ATP7A: variants seen among roughly 807,000 people sequenced by gnomAD.
ATP7A encodes ATPase copper transporting alpha, also known as copper-transporting ATPase 1.
In ATP7A, 7 loss-of-function variants were observed where a neutral mutation model predicts 83.5. That is an observed-to-expected ratio of 0.08 (90% CI 0.05 to 0.16). ATP7A has a LOEUF of 0.16. Ranked by LOEUF, ATP7A falls within the 10% of genes least tolerant of loss-of-function variation. The pLI, the probability that ATP7A is intolerant of heterozygous loss-of-function variation, is 1.00. For missense variants in ATP7A, 940 were observed against 1,120.8 expected, an observed-to-expected ratio of 0.84 and a Z score of 2.30; for synonymous variants, 354 against 395.2, an observed-to-expected ratio of 0.90 and a Z score of 1.24.
chrX:77,968,936 C>T (rs782197930), intron 1 of ATP7A: 12 of 1,210,540 alleles, frequency 9.9e-6, no homozygotes, highest in Non-Finnish European at 1.2e-5. Context: ...GTCTCTTCAT[C>T]CCCCAGAAAC....
At chrX:78,026,021 A>G (rs1176360231) in intron 14 of ATP7A, among the ~76,000 whole-genome samples, 5 of 112,048 alleles carry the variant, frequency 4.5e-5, no homozygotes, top group African/African-American at 1.6e-4. Context: ...CTATAAAGCA[A>G]TTACACAATT....
At position 77,969,190 on chromosome X, in the gene ATP7A, A is replaced by C; in HGVS notation, c.-21-2431A>C. ...ATCCTTCGGACTCTCATAGGAGGGTAGCTGATCTTCTGTGAGGTCTGCATA... is the reference window on the plus strand; with the variant it reads ...ATCCTTCGGACTCTCATAGGAGGGTCGCTGATCTTCTGTGAGGTCTGCATA... On this transcript the variant is annotated intron_variant, in intron 1 of 22. Transcript: ENST00000341514. 1.7e-5 allele frequency: 20 copies of C among 1,211,806 alleles called. No individual in the cohort carries two copies. The highest frequency in any genetic ancestry group is 2.2e-5 in the Non-Finnish European group (20 of 895,471).
At chrX:77,930,380 C>T (rs1366909823) in intron 1 of ATP7A, among the ~76,000 whole-genome samples, 2 of 111,679 alleles carry the variant, frequency 1.8e-5, no homozygotes, top group African/African-American at 3.3e-5. Flanking sequence ...CTGCATACTG[C>T]GTGGTCAGCC....
At chrX:78,040,822 T>TG in intron 19 of ATP7A, 89 bp downstream of exon 19, 1 of 1,050,105 alleles carries the variant, frequency 9.5e-7, no homozygotes, top group Non-Finnish European at 1.3e-6. Flanking sequence ...CATTACCTAC[T>TG]ATTTTCATTA....
chrX:77,971,473 A>G (rs1238512513), intron 1 of ATP7A, 148 bp from the exon 2 acceptor site: 3 of 586,216 alleles, frequency 5.1e-6, no homozygotes, highest in South Asian at 2.9e-5. Context: ...AATGCTTACC[A>G]TATTTTATTA....
intron 6 of ATP7A, among the ~76,000 whole-genome samples, chrX:78,007,604 C>T (rs2077785887): frequency 8.9e-6 from 1 of 112,361 alleles, no homozygotes; most frequent in African/African-American, 3.2e-5. Flanking sequence ...GGATTACAGG[C>T]GTGAGCCACC....
chrX:77,997,331 A>T (rs1473980593), intron 4 of ATP7A, among the ~76,000 whole-genome samples: 1 of 112,185 alleles, frequency 8.9e-6, no homozygotes, highest in Non-Finnish European at 1.9e-5. Context: ...CCCCCAGGTG[A>T]TTGTGTATGC....
At chrX:77,973,212 A>T (rs1419271008) in intron 2 of ATP7A, among the ~76,000 whole-genome samples, 1 of 112,022 alleles carries the variant, frequency 8.9e-6, no homozygotes, top group African/African-American at 3.2e-5. Context: ...GTCTGTAAGT[A>T]AAGTTTTAGT....
rs551526005 is a variant in ATP7A, at chrX:77,957,100, T to C, written c.-21-14521T>C. ...GTGTGAGCCACTGTGCCTGGCCAGG[T>C]ATTTCTTTATAGCAATATAAGAGCA... On this transcript the variant is annotated intron_variant, in intron 1 of 22. Transcript: ENST00000341514. Among the ~76,000 whole-genome samples the C allele has an allele frequency of 5.1e-4, 57 of 111,551 alleles. 1 individual carries two copies. In the South Asian group the frequency reaches 0.021, roughly 42 times the overall value.
intron 2 of ATP7A, among the ~76,000 whole-genome samples, chrX:77,974,396 G>A (rs1557230017): frequency 1.8e-5 from 2 of 110,997 alleles, no homozygotes; most frequent in Admixed American, 1.9e-4. Context: ...CGTCCACCTC[G>A]GCCTCTTAAA....
chrX:77,922,502 C>CA (rs1271064469), intron 1 of ATP7A, among the ~76,000 whole-genome samples: 3 of 110,724 alleles, frequency 2.7e-5, no homozygotes, highest in Non-Finnish European at 3.8e-5. Flanking sequence ...GATCCTGTCT[C>CA]AAAAAAATGT....
intron 21 of ATP7A, among the ~76,000 whole-genome samples, chrX:78,044,650 T>A (rs2078073109): frequency 8.9e-6 from 1 of 112,020 alleles, no homozygotes; most frequent in African/African-American, 3.2e-5. Flanking sequence ...GTATTTTTTT[T>A]AGGTTGAGAG....
intron 4 of ATP7A, among the ~76,000 whole-genome samples, chrX:77,995,587 AAG>A (rs2077698574): frequency 9.3e-6 from 1 of 107,569 alleles, no homozygotes; most frequent in African/African-American, 3.4e-5. Context: ...AAAAAAAAAA[AAG>A]AGGTAGTGAG....
Position 78,033,841 on chromosome X carries a change from A to G in ATP7A, c.3511+20A>G, listed in dbSNP as rs1048804051. ...TCTCAAGTAAGCTAATTTTCTTTGTAGTACCAATTATGGGGCAGTTATGAA... is the reference window on the plus strand; with the variant it reads ...TCTCAAGTAAGCTAATTTTCTTTGTGGTACCAATTATGGGGCAGTTATGAA... On this transcript the variant is annotated intron_variant, in intron 17 of 22. Transcript: ENST00000341514. The G allele has an allele frequency of 8.5e-7, 1 of 1,179,577 alleles. No individual in the cohort carries two copies.
intron 1 of ATP7A, among the ~76,000 whole-genome samples, chrX:77,941,201 G>A (rs371067479): frequency 7.7e-4 from 85 of 110,883 alleles, no homozygotes; most frequent in African/African-American, 1.6e-3. Flanking sequence ...GTATATACAA[G>A]GATATTCATT....
chrX:77,964,160 A>G (rs2077490768), intron 1 of ATP7A: 1 of 112,016 alleles, frequency 8.9e-6, no homozygotes, highest in African/African-American at 3.2e-5. Context: ...TTTTTATATT[A>G]TTTGACCTTA....
chrX:78,018,008 C>T (rs377267096), intron 12 of ATP7A, among the ~76,000 whole-genome samples: 5 of 105,212 alleles, frequency 4.8e-5, no homozygotes, highest in African/African-American at 1.7e-4. Context: ...AATCTCCTGA[C>T]CTCGTGATCA....
At chrX:78,036,742 G>T (rs1286408697) in intron 17 of ATP7A, among the ~76,000 whole-genome samples, 1 of 111,106 alleles carries the variant, frequency 9.0e-6, no homozygotes, top group Non-Finnish European at 1.9e-5. Context: ...TTAGTCGGGC[G>T]TGGTAGCAGG....
At chrX:77,972,978 A>G (rs2077557363) in intron 2 of ATP7A, among the ~76,000 whole-genome samples, 1 of 108,738 alleles carries the variant, frequency 9.2e-6, no homozygotes, top group Non-Finnish European at 1.9e-5. Flanking sequence ...TCAGGTTATA[A>G]AAAAGCCTTC....
Sources: gnomAD v4.1 joint callset for allele counts (sites outside exome capture counted in the v4.1 genomes callset) on GRCh38, gnomAD v4.1.1 for gene constraint, MANE v1.5 for transcripts, NCBI Gene and HGNC (gene_info 2026-07-23, HGNC 2026-07-21) for gene names.